Variants in PTK2 observed in about 807,000 individuals in gnomAD.
The protein encoded by PTK2 is protein tyrosine kinase 2.
PTK2 carries 45 observed loss-of-function variants against 150.1 expected under a neutral mutation model. The ratio of observed to expected loss-of-function variants is 0.30; its 90% CI spans 0.24 to 0.38. The LOEUF (loss-of-function observed/expected upper bound fraction) is 0.38, where lower values mean the gene tolerates loss of function less well. PTK2 is among the 10% of genes least tolerant of loss of function. PTK2 has a pLI of 1.00. For synonymous variants in PTK2, 432 were observed against 449.2 expected (o/e 0.96, Z 0.48); for missense variants, 919 against 1,307.3 (o/e 0.70, Z 4.58).
intron 4 of PTK2, among the ~76,000 whole-genome samples, chr8:140,868,320 A>G (rs553551797): frequency 6.6e-6 from 1 of 152,334 alleles, no homozygotes; most frequent in Non-Finnish European, 1.5e-5. Flanking sequence ...TGGTGTGAAC[A>G]GTCTGTTCTT....
At chr8:140,875,592 A>G (rs971202861) in intron 4 of PTK2, among the ~76,000 whole-genome samples, 3 of 152,198 alleles carry the variant, frequency 2.0e-5, no homozygotes, top group African/African-American at 4.8e-5. Context: ...ATTTATAAAT[A>G]TAATTGGATG....
chr8:140,762,270 T>C (rs1470699595), intron 15 of PTK2, 98 bp downstream of exon 18: 3 of 590,002 alleles, frequency 5.1e-6, no homozygotes, highest in African/African-American at 2.0e-5. Flanking sequence ...CAATGACAAA[T>C]AGTTTAAAAA....
At chr8:140,891,601 AG>A (rs2100154273) in intron 2 of PTK2, among the ~76,000 whole-genome samples, 1 of 152,192 alleles carries the variant, frequency 6.6e-6, no homozygotes. Flanking sequence ...TGAAGAGACA[AG>A]AAAAGGCTAC....
At chr8:140,885,429 C>T (rs551570552) in intron 3 of PTK2, among the ~76,000 whole-genome samples, 1 of 152,178 alleles carries the variant, frequency 6.6e-6, no homozygotes, top group African/African-American at 2.4e-5. Flanking sequence ...TACAAAGATC[C>T]CTGATGTCAC....
At chr8:140,866,134 G>C (rs892972086) in intron 4 of PTK2, among the ~76,000 whole-genome samples, 19 of 152,228 alleles carry the variant, frequency 1.2e-4, no homozygotes, top group African/African-American at 4.6e-4. Flanking sequence ...AGAGGAGAAA[G>C]GTATAATTAT....
chr8:140,705,919 G>T (rs2100033465), intron 24 of PTK2, among the ~76,000 whole-genome samples, 200 bp downstream of exon 27: 1 of 152,244 alleles, frequency 6.6e-6, no homozygotes, highest in African/African-American at 2.4e-5. Flanking sequence ...CCCACTCGAA[G>T]ATGGAGTGAA....
At chr8:140,916,522 G>C (rs367920186) in intron 2 of PTK2, among the ~76,000 whole-genome samples, 74 of 152,168 alleles carry the variant, frequency 4.9e-4, no homozygotes, top group African/African-American at 1.7e-3. Context: ...TTTCAATGCA[G>C]TCTACACATA....
At chr8:140,891,408 C>T (rs763804001) in intron 2 of PTK2, among the ~76,000 whole-genome samples, 1 of 152,034 alleles carries the variant, frequency 6.6e-6, no homozygotes, top group African/African-American at 2.4e-5. Flanking sequence ...AAACACCCAT[C>T]GAGAAACATG....
At position 140,819,096 on chromosome 8, in the gene PTK2, C is replaced by CT. The variant is rs2100106617; in HGVS notation, c.649-77dup. 2.0e-6 allele frequency: 3 copies of CT among 1,466,560 alleles called. No homozygotes were observed. In the East Asian group the frequency reaches 7.2e-5, roughly 35 times the overall value. 90.8% of individuals were successfully genotyped at this position (1,466,560 alleles called of 1,614,324 possible). A position where few individuals can be genotyped will look rare whatever the true frequency, so the allele number is the denominator to read the frequency against. Reference sequence around the variant, plus strand: ...GACCACAACAATAATGGTAAGATTTCTTTCCTACCAACTACTTACTAACAC... The same window carrying CT: ...GACCACAACAATAATGGTAAGATTTCTTTTCCTACCAACTACTTACTAACAC... On this transcript the variant is annotated intron_variant, in intron 8 of 31. Coordinates refer to ENST00000522684, the Ensembl canonical transcript of PTK2.
intron 23 of PTK2, among the ~76,000 whole-genome samples, chr8:140,707,935 T>C (rs936501595): frequency 6.6e-6 from 1 of 152,184 alleles, no homozygotes; most frequent in Non-Finnish European, 1.5e-5. Flanking sequence ...TGGCTTCTAG[T>C]TCCTCACCCA....
chr8:140,839,016 C>T (rs1342856072), intron 7 of PTK2, among the ~76,000 whole-genome samples: 1 of 142,430 alleles, frequency 7.0e-6, no homozygotes. Flanking sequence ...AAAAAAAAAA[C>T]AAAAAAAAAA....
intron 4 of PTK2, among the ~76,000 whole-genome samples, chr8:140,874,072 A>G (rs1232597006): frequency 1.3e-5 from 2 of 152,100 alleles, no homozygotes; most frequent in African/African-American, 4.8e-5. Context: ...TTGTGTATTG[A>G]GGTAGTATCC....
chr8:140,975,650 G>C (rs778190668), intron 1 of PTK2, among the ~76,000 whole-genome samples: 7 of 152,182 alleles, frequency 4.6e-5, no homozygotes, highest in Non-Finnish European at 1.0e-4. Flanking sequence ...AAATGCGATA[G>C]GCTGTATGTG....
At chr8:140,688,580 G>A (rs2100021331) in intron 26 of PTK2, among the ~76,000 whole-genome samples, 2 of 152,006 alleles carry the variant, frequency 1.3e-5, no homozygotes, top group Non-Finnish European at 2.9e-5. Context: ...AATTAGCTGG[G>A]AATGGTGGTG....
At chr8:140,833,034 C>T (rs761725942) in intron 7 of PTK2, 21 of 518,998 alleles carry the variant, frequency 4.0e-5, no homozygotes, top group South Asian at 2.7e-4. Context: ...TTACCATATT[C>T]ATTGCTGTCA....
intron 5 of PTK2, among the ~76,000 whole-genome samples, chr8:140,860,766 A>ATG (rs1567709985): frequency 6.6e-6 from 1 of 152,028 alleles, no homozygotes; most frequent in Non-Finnish European, 1.5e-5. Flanking sequence ...TAGCCACCGC[A>ATG]CCCAGACAAT....
chr8:140,721,092 A>G (rs2100042711), intron 22 of PTK2, among the ~76,000 whole-genome samples: 2 of 151,762 alleles, frequency 1.3e-5, no homozygotes, highest in African/African-American at 2.4e-5. Flanking sequence ...TTTTTTTAAA[A>G]GAGATGGAAT....
intron 16 of PTK2, among the ~76,000 whole-genome samples, 180 bp downstream of exon 19, chr8:140,760,985 T>C (rs767917590): frequency 2.0e-5 from 3 of 152,212 alleles, no homozygotes; most frequent in Admixed American, 6.5e-5. Flanking sequence ...GGAGCTAATG[T>C]TGCCATTTTT....
intron 3 of PTK2, among the ~76,000 whole-genome samples, chr8:140,884,310 T>C (rs978734888): frequency 2.0e-5 from 3 of 152,186 alleles, no homozygotes; most frequent in Non-Finnish European, 2.9e-5. Flanking sequence ...CTCTTTAACA[T>C]GGCTTTTATG....
Sources: allele counts gnomAD v4.1 joint callset (sites outside exome capture counted in the v4.1 genomes callset), GRCh38; gene constraint gnomAD v4.1.1; transcripts MANE v1.5; gene names NCBI Gene and HGNC (gene_info 2026-07-23, HGNC 2026-07-21).